The following CADM2 variants were observed in gnomAD, a reference collection of about 807,000 sequenced individuals.
CADM2 encodes the protein immunoglobulin superfamily member 4D.
A neutral mutation model predicts 49.8 loss-of-function variants in CADM2; 12 were observed. The observed-to-expected ratio is 0.24, with a 90% CI of 0.15 to 0.39. CADM2 has a LOEUF of 0.39. Ranked by LOEUF, CADM2 falls within the 10% of genes least tolerant of loss-of-function variation. The pLI is 1.00. For synonymous variants in CADM2, 214 were observed against 175.4 expected (o/e 1.22, Z -1.74); for missense variants, 378 against 492.3 (o/e 0.77, Z 2.20).
At chr3:85,930,029 G>A (rs150027110) in intron 6 of CADM2, among the ~76,000 whole-genome samples, 133 of 151,982 alleles carry the variant, frequency 8.8e-4, no homozygotes, top group African/African-American at 3.1e-3. Flanking sequence ...TAATAAAAAG[G>A]CATTTAGTGA....
At chr3:85,842,021 C>T (rs2074660431) in intron 3 of CADM2, among the ~76,000 whole-genome samples, 2 of 152,048 alleles carry the variant, frequency 1.3e-5, no homozygotes, top group Admixed American at 1.3e-4. Flanking sequence ...GCTCACATTA[C>T]TTGTATGTTA....
At chr3:85,420,306 A>C (rs1405393635) in intron 1 of CADM2, among the ~76,000 whole-genome samples, 1 of 152,194 alleles carries the variant, frequency 6.6e-6, no homozygotes, top group Non-Finnish European at 1.5e-5. Flanking sequence ...CTGTAGGTGG[A>C]TAGTATTTTC....
At chr3:84,967,595 A>G (rs1216296075) in intron 1 of CADM2, among the ~76,000 whole-genome samples, 2 of 152,130 alleles carry the variant, frequency 1.3e-5, no homozygotes, top group Non-Finnish European at 2.9e-5. Flanking sequence ...AAGTCCGAAT[A>G]GTAACTCGGC....
intron 8 of CADM2, among the ~76,000 whole-genome samples, chr3:86,011,241 AT>A (rs1259053786): frequency 1.3e-5 from 2 of 152,116 alleles, no homozygotes; most frequent in Non-Finnish European, 2.9e-5. Context: ...CCTAAATGAA[AT>A]ACTAGCAAAT....
At chr3:85,372,214 G>GA (rs1330748547) in intron 1 of CADM2, among the ~76,000 whole-genome samples, 1 of 151,676 alleles carries the variant, frequency 6.6e-6, no homozygotes, top group African/African-American at 2.4e-5. Flanking sequence ...AATATATTTT[G>GA]ACAATATACA....
At chr3:85,735,864 G>T (rs1293522954) in intron 2 of CADM2, among the ~76,000 whole-genome samples, 6 of 142,752 alleles carry the variant, frequency 4.2e-5, no homozygotes, top group Non-Finnish European at 9.7e-5. Flanking sequence ...ATGTAAAGTT[G>T]AAGAGACCTA....
intron 1 of CADM2, among the ~76,000 whole-genome samples, chr3:85,241,829 A>G (rs2042537679): frequency 6.6e-6 from 1 of 151,534 alleles, no homozygotes. Context: ...GCACTTCTGG[A>G]AAATTTTATT....
chr3:84,966,335 T>C (rs2030978942), intron 1 of CADM2, among the ~76,000 whole-genome samples: 1 of 152,130 alleles, frequency 6.6e-6, no homozygotes, highest in South Asian at 2.1e-4. Flanking sequence ...TTTTTAAGAC[T>C]GAAGAACATC....
At chr3:85,676,906 A>T (rs1438212792) in intron 1 of CADM2, among the ~76,000 whole-genome samples, 2 of 152,122 alleles carry the variant, frequency 1.3e-5, no homozygotes, top group Non-Finnish European at 2.9e-5. Context: ...CTTATATCCC[A>T]TTCAATATAC....
intron 1 of CADM2, among the ~76,000 whole-genome samples, chr3:85,130,501 T>C (rs1470165423): frequency 6.6e-6 from 1 of 152,176 alleles, no homozygotes; most frequent in Non-Finnish European, 1.5e-5. Flanking sequence ...TTAAGTAACA[T>C]GTAAATATAT....
Position 85,553,819 on chromosome 3 carries a change from G to T in CADM2, c.62-172703G>T, listed in dbSNP as rs537353648. On this transcript the variant is annotated intron_variant, in intron 1 of 9. Transcript: ENST00000383699. ...AAGTATTACGAAAAAGATTCACTTT[G>T]TGCCTCCAGGAACAAAGATCCCAAT... Among the ~76,000 whole-genome samples, 79 of 152,236 alleles carry T rather than the reference G, an allele frequency of 5.2e-4. No individual in the cohort carries two copies. In the South Asian group the frequency reaches 0.015, roughly 28 times the overall value.
intron 8 of CADM2, among the ~76,000 whole-genome samples, chr3:86,040,533 A>G (rs1578032118): frequency 6.6e-6 from 1 of 152,336 alleles, no homozygotes; most frequent in South Asian, 2.1e-4. Context: ...AATTTAGAGA[A>G]AAAAGAATAA....
chr3:85,066,429 G>C (rs1363945950), intron 1 of CADM2, among the ~76,000 whole-genome samples: 6 of 151,674 alleles, frequency 4.0e-5, no homozygotes, highest in Admixed American at 3.9e-4. Context: ...TCATATTCGG[G>C]AACTATTGGG....
At chr3:85,996,942 A>G (rs1213705976) in intron 8 of CADM2, among the ~76,000 whole-genome samples, 1 of 152,138 alleles carries the variant, frequency 6.6e-6, no homozygotes, top group Non-Finnish European at 1.5e-5. Flanking sequence ...CTACCAGTCT[A>G]GTAACTTTCT....
intron 1 of CADM2, among the ~76,000 whole-genome samples, chr3:85,366,910 G>A (rs2032827509): frequency 6.6e-6 from 1 of 151,778 alleles, no homozygotes; most frequent in African/African-American, 2.4e-5. Flanking sequence ...TTCTATTAGT[G>A]CTCTTATTTG....
At chr3:85,366,968 T>C (rs1373973337) in intron 1 of CADM2, among the ~76,000 whole-genome samples, 1 of 152,082 alleles carries the variant, frequency 6.6e-6, no homozygotes, top group Non-Finnish European at 1.5e-5. Flanking sequence ...TTAACACAGC[T>C]ATGTCATTGG....
intron 8 of CADM2, among the ~76,000 whole-genome samples, chr3:86,065,380 T>C (rs924038689): frequency 1.3e-5 from 2 of 152,200 alleles, no homozygotes; most frequent in Non-Finnish European, 2.9e-5. Flanking sequence ...TCCAATCTTT[T>C]CCTTAAAATG....
Position 85,091,400 on chromosome 3 carries a change from T to A in CADM2, c.61+131732T>A, listed in dbSNP as rs114514216. On this transcript the variant is annotated intron_variant, in intron 1 of 9. Transcript: ENST00000383699. ...TGCATAAAACAAAAACATGTTTTAC[T>A]ATATATTAAACATACGAAGTATAAT... is the stretch of plus-strand genomic sequence containing the variant. Among the ~76,000 whole-genome samples, 430 of 152,332 alleles carry A rather than the reference T, an allele frequency of 2.8e-3. 2 individuals are homozygous for A. The highest frequency in any genetic ancestry group is 0.01 in the African/African-American group (417 of 41,576).
At chr3:85,568,447 C>CTTTCTTTCTTTCTTTCTTTCTT (rs2062352890) in intron 1 of CADM2, among the ~76,000 whole-genome samples, 14 of 35,800 alleles carry the variant, frequency 3.9e-4, no homozygotes, top group African/African-American at 1.1e-3. Flanking sequence ...TTCTTTCTTT[C>CTTTCTTTCTTTCTTTCTTTCTT]TTTCTTTCTT....
Sources: gnomAD v4.1 joint callset for allele counts (sites outside exome capture counted in the v4.1 genomes callset) on GRCh38, gnomAD v4.1.1 for gene constraint, MANE v1.5 for transcripts, NCBI Gene and HGNC (gene_info 2026-07-23, HGNC 2026-07-21) for gene names.